Variants in COL23A1 observed in about 807,000 individuals in gnomAD.
The protein encoded by COL23A1 is collagen alpha-1(XXIII) chain.
In COL23A1, 97 loss-of-function variants were observed where a neutral mutation model predicts 99.3. The observed-to-expected ratio is 0.98, with a 90% confidence interval of 0.83 to 1.16. The LOEUF (loss-of-function observed/expected upper bound fraction) is 1.16. COL23A1 is among the 50% of genes most tolerant of loss of function. COL23A1 has a pLI of 0.00. For missense variants in COL23A1, 762 were observed against 757.4 expected (o/e 1.01, Z -0.07); for synonymous variants, 320 against 308.2 (o/e 1.04, Z -0.40).
chr5:178,279,243 T>C (rs1756758872), intron 5 of COL23A1, among the ~76,000 whole-genome samples: 1 of 152,182 alleles, frequency 6.6e-6, no homozygotes, highest in Non-Finnish European at 1.5e-5. Flanking sequence ...ACGTGTCACC[T>C]CTTCTGAGGA....
rs534020704 is a variant in COL23A1, at chr5:178,522,818, G to A, written c.361+37864C>T. On this transcript the variant is annotated intron_variant, in intron 2 of 28. Coordinates refer to ENST00000390654, the MANE Select transcript of COL23A1 (RefSeq NM_173465.4). ...CGGGGACTGCCAGTGAGCTCTGCCC[G>A]AGGGCATCCTTCCCATTCAAGTCTC... Among the ~76,000 whole-genome samples, 12 of 152,226 alleles carry A rather than the reference G, an allele frequency of 7.9e-5. No homozygotes were observed. In the East Asian group the frequency reaches 2.1e-3, roughly 27 times the overall value.
In COL23A1 at chr5:178,340,968, T is replaced by C. The variant is rs996946424; in HGVS notation, c.362-34049A>G. Among the ~76,000 whole-genome samples, 4 of 152,318 alleles carry C rather than the reference T, an allele frequency of 2.6e-5. No individual in the cohort carries two copies. The highest frequency in any genetic ancestry group is 3.9e-4 in the East Asian group (2 of 5,174). ...GCTGGTTTAGACCTCATACTGACCATACCCACCAGCTCTATTTCCCCCATT... is the reference window on the plus strand; with the variant it reads ...GCTGGTTTAGACCTCATACTGACCACACCCACCAGCTCTATTTCCCCCATT... On this transcript the variant is annotated intron_variant, in intron 2 of 28. Coordinates refer to ENST00000390654, the MANE Select transcript of COL23A1 (RefSeq NM_173465.4). The surrounding 1 kb of genome is among the most constrained non-coding windows in gnomAD (Gnocchi z 4.7).
At chr5:178,300,333 T>C (rs1033745431) in intron 3 of COL23A1, among the ~76,000 whole-genome samples, 1 of 152,152 alleles carries the variant, frequency 6.6e-6, no homozygotes, top group African/African-American at 2.4e-5. Flanking sequence ...CCCAAAATGC[T>C]GGGATTACAG....
intron 2 of COL23A1, among the ~76,000 whole-genome samples, chr5:178,464,174 C>T (rs1427513490): frequency 6.6e-6 from 1 of 152,244 alleles, no homozygotes; most frequent in Admixed American, 6.5e-5. Context: ...GCTCTTTCAT[C>T]TTCCCAAACT....
intron 1 of COL23A1, among the ~76,000 whole-genome samples, chr5:178,561,491 C>CT (rs556457211): frequency 4.4e-4 from 67 of 152,302 alleles, no homozygotes; most frequent in Non-Finnish European, 8.2e-4. Context: ...CGATGGAACC[C>CT]TATGGGCACC....
chr5:178,520,686 G>T (rs1384729802), intron 2 of COL23A1, among the ~76,000 whole-genome samples: 1 of 152,176 alleles, frequency 6.6e-6, no homozygotes, highest in Non-Finnish European at 1.5e-5. Flanking sequence ...TTCTCCTTAA[G>T]TGAAGCTTAA....
chr5:178,385,739 A>C (rs1378194594), intron 2 of COL23A1, among the ~76,000 whole-genome samples: 1 of 152,182 alleles, frequency 6.6e-6, no homozygotes, highest in Non-Finnish European at 1.5e-5. Flanking sequence ...CGTAGGAAAC[A>C]CCCAATCCAA....
At position 178,255,144 on chromosome 5, in the gene COL23A1, G is replaced by C; in HGVS notation, c.883-118C>G. ...AGCAATGGAAGAGCCTCGTCACCCA[G>C]GCTGCACGCATGCCCCTCCCCAGGG... On this transcript the variant is annotated intron_variant, in intron 15 of 28. Coordinates refer to ENST00000390654, the MANE Select transcript of COL23A1 (RefSeq NM_173465.4). The surrounding 1 kb of genome is among the most constrained non-coding windows in gnomAD (Gnocchi z 4.2). The C allele has an allele frequency of 3.6e-6, 3 of 831,726 alleles. No individual in the cohort carries two copies. Among genetic ancestry groups the C allele is most frequent in the Non-Finnish European group, 6.0e-6 (3 of 499,750 alleles). The allele number at this position is 831,726 out of a possible 1,614,324, so 51.5% of individuals were successfully genotyped here. A position where few individuals can be genotyped will look rare whatever the true frequency, so the allele number is the denominator to read the frequency against.
rs10447305 is a variant in COL23A1 at position 178,308,902 on chromosome 5, G to A, written c.362-1983C>T. On this transcript the variant is annotated intron_variant, in intron 2 of 28. Coordinates refer to ENST00000390654, the MANE Select transcript of COL23A1 (RefSeq NM_173465.4). This position sits in a 1 kb window ranked among gnomAD's most constrained non-coding sequence, Gnocchi z 5.1. ...CGGGAACGGGAGCCCCCCGGCACAC[G>A]CAGCACCATGTTCCTCGGGCTGTAG... Among the ~76,000 whole-genome samples, 13,831 of 152,186 alleles carry A rather than the reference G, an allele frequency of 0.091. 723 individuals are homozygous for A. The highest frequency in any genetic ancestry group is 0.18 in the Middle Eastern group (53 of 294).
At chr5:178,498,682 G>C (rs1298459781) in intron 2 of COL23A1, among the ~76,000 whole-genome samples, 1 of 152,124 alleles carries the variant, frequency 6.6e-6, no homozygotes, top group Admixed American at 6.5e-5. Context: ...ACATATCTAA[G>C]TAGAGTAAAA....
At chr5:178,322,615 C>T (rs1188736929) in intron 2 of COL23A1, among the ~76,000 whole-genome samples, 2 of 148,264 alleles carry the variant, frequency 1.3e-5, no homozygotes, top group Non-Finnish European at 3.0e-5. Flanking sequence ...GTCCCTGACC[C>T]CTCTCCAGGT....
chr5:178,536,180 T>G (rs1760927308), intron 2 of COL23A1, among the ~76,000 whole-genome samples: 1 of 152,238 alleles, frequency 6.6e-6, no homozygotes. Context: ...CCCACAAGGT[T>G]GTCGTCACCC....
intron 27 of COL23A1, 70 bp from the exon 28 acceptor site, chr5:178,239,249 C>A: frequency 6.4e-6 from 10 of 1,564,386 alleles, no homozygotes; most frequent in Non-Finnish European, 8.8e-6. Context: ...ACATGCCCTC[C>A]CCTGGTCTGT....
intron 2 of COL23A1, among the ~76,000 whole-genome samples, chr5:178,523,201 T>TATATATAG (rs1223542330): frequency 9.4e-4 from 73 of 77,572 alleles, no homozygotes; most frequent in Non-Finnish European, 1.1e-3. Context: ...TATATATATA[T>TATATATAG]AGAGAGAGAG....
At position 178,498,650 on chromosome 5, in the gene COL23A1, T is replaced by A. The variant is rs146948665; in HGVS notation, c.361+62032A>T. 1.6e-3 allele frequency among the ~76,000 whole-genome samples: 249 copies of A among 152,264 alleles called. 1 individual carries two copies. Among genetic ancestry groups the A allele is most frequent in the Admixed American group, 5.6e-3 (86 of 15,286 alleles). On this transcript the variant is annotated intron_variant, in intron 2 of 28. Transcript: ENST00000390654. ...GAAATATTTTTAAAATATTTTTAAGTCCGAATAAATCAATAAATACTACAT... is the reference window on the plus strand; with the variant it reads ...GAAATATTTTTAAAATATTTTTAAGACCGAATAAATCAATAAATACTACAT...
chr5:178,582,391 T>C (rs1236715309), intron 1 of COL23A1, among the ~76,000 whole-genome samples: 4 of 151,994 alleles, frequency 2.6e-5, no homozygotes, highest in African/African-American at 9.7e-5. Context: ...GAGGGCACTG[T>C]GAAGGATCTC....
chr5:178,321,380 G>A lies in COL23A1; in HGVS notation c.362-14461C>T, dbSNP rs950413520. ...ATGACTCTGGGTATCTCATACAAGCGGAGCTCAGCAGCATTTGTCCTGTGA... is the reference window on the plus strand; with the variant it reads ...ATGACTCTGGGTATCTCATACAAGCAGAGCTCAGCAGCATTTGTCCTGTGA... On this transcript the variant is annotated intron_variant, in intron 2 of 28. Transcript: ENST00000390654. 3.9e-5 allele frequency among the ~76,000 whole-genome samples: 6 copies of A among 152,042 alleles called. 1 individual carries two copies. The highest frequency in any genetic ancestry group is 5.9e-5 in the Non-Finnish European group (4 of 68,010).
intron 2 of COL23A1, among the ~76,000 whole-genome samples, chr5:178,349,599 G>A (rs538839137): frequency 1.4e-5 from 2 of 141,944 alleles, no homozygotes; most frequent in East Asian, 2.3e-4. Flanking sequence ...ACCTTTCCAC[G>A]GCACTATCAC....
intron 2 of COL23A1, among the ~76,000 whole-genome samples, chr5:178,488,846 G>A (rs1271387199): frequency 6.6e-6 from 1 of 152,216 alleles, no homozygotes; most frequent in Non-Finnish European, 1.5e-5. Context: ...GGCTTAGGAA[G>A]GAAGAGGTGG....
Sources: allele counts gnomAD v4.1 joint callset (sites outside exome capture counted in the v4.1 genomes callset), GRCh38; gene constraint gnomAD v4.1.1; non-coding constraint Gnocchi (gnomAD v3.1); transcripts MANE v1.5; gene names NCBI Gene and HGNC (gene_info 2026-07-23, HGNC 2026-07-21).